FCHO2: variants seen among roughly 807,000 people sequenced by gnomAD.
The protein encoded by FCHO2 is F-BAR domain only protein 2.
A neutral mutation model predicts 114.1 loss-of-function variants in FCHO2; 43 were observed. The observed-to-expected ratio is 0.38, with a 90% CI of 0.30 to 0.49. The LOEUF is 0.49. Ranked by LOEUF, FCHO2 falls within the 20% of genes least tolerant of loss-of-function variation. FCHO2 has a pLI of 0.97. For synonymous variants in FCHO2, 293 were observed against 315.2 expected (o/e 0.93, Z 0.75); for missense variants, 807 against 950.4 (o/e 0.85, Z 1.98).
At chr5:73,003,425 G>C (rs111335823) in intron 5 of FCHO2, among the ~76,000 whole-genome samples, 1,568 of 152,142 alleles carry the variant, frequency 0.01, 27 homozygotes, top group African/African-American at 0.036. Context: ...GATTCCTCCT[G>C]CCTTGGCCTC....
intron 8 of FCHO2, among the ~76,000 whole-genome samples, chr5:73,025,104 GAACA>G (rs1205120227): frequency 6.6e-6 from 1 of 152,156 alleles, no homozygotes; most frequent in Non-Finnish European, 1.5e-5. Flanking sequence ...AACAGTCCTA[GAACA>G]AACTAACTAG....
At chr5:73,044,766 C>T (rs951724322) in intron 11 of FCHO2, among the ~76,000 whole-genome samples, 1 of 151,946 alleles carries the variant, frequency 6.6e-6, no homozygotes, top group African/African-American at 2.4e-5. Flanking sequence ...GACTCTTGAG[C>T]TCCATTCTGG....
At chr5:73,071,732 T>C (rs1742666155) in intron 19 of FCHO2, among the ~76,000 whole-genome samples, 3 of 152,080 alleles carry the variant, frequency 2.0e-5, no homozygotes. Context: ...TGCAATACGA[T>C]CTTGAAAGAA....
At chr5:73,062,073 A>T (rs1757880018) in intron 17 of FCHO2, among the ~76,000 whole-genome samples, 1 of 152,000 alleles carries the variant, frequency 6.6e-6, no homozygotes, top group South Asian at 2.1e-4. Flanking sequence ...TTTATACTTC[A>T]CAGGTCAATT....
At chr5:72,994,236 A>G (rs1753960079) in intron 5 of FCHO2, among the ~76,000 whole-genome samples, 2 of 152,254 alleles carry the variant, frequency 1.3e-5, no homozygotes, top group African/African-American at 4.8e-5. Flanking sequence ...CAAACTATGC[A>G]TCTGACAAAG....
intron 2 of FCHO2, among the ~76,000 whole-genome samples, chr5:72,972,782 T>G (rs1752634258): frequency 6.6e-6 from 1 of 152,084 alleles, no homozygotes; most frequent in Admixed American, 6.5e-5. Context: ...CTTGTGCCAG[T>G]TTTCAAAGGG....
At chr5:73,078,430 T>C in intron 22 of FCHO2, 118 bp downstream of exon 22, 1 of 979,024 alleles carries the variant, frequency 1.0e-6, no homozygotes, top group Non-Finnish European at 1.5e-6. Flanking sequence ...TCAAGGATGT[T>C]TTGAAATTAG....
chr5:72,998,655 C>T (rs1302101952), intron 5 of FCHO2, among the ~76,000 whole-genome samples: 1 of 150,332 alleles, frequency 6.7e-6, no homozygotes, highest in African/African-American at 2.5e-5. Context: ...GGGTTAAATA[C>T]CGTTGTCTTC....
intron 21 of FCHO2, 55 bp from the exon 22 acceptor site, chr5:73,078,125 G>A: frequency 7.3e-7 from 1 of 1,362,432 alleles, no homozygotes; most frequent in Non-Finnish European, 9.6e-7. Context: ...ACTACACAGA[G>A]GCAAAACATA....
chr5:73,037,233 C>A lies in FCHO2; in HGVS notation c.914+18C>A. The A allele has an allele frequency of 6.5e-7, 1 of 1,529,876 alleles. No homozygotes were observed. Among genetic ancestry groups the A allele is most frequent in the South Asian group, 1.2e-5 (1 of 80,044 alleles). The allele number at this position is 1,529,876 out of a possible 1,614,324, so 94.8% of individuals were successfully genotyped here. A position where few individuals can be genotyped will look rare whatever the true frequency, so the allele number is the denominator to read the frequency against. ...GAATCTGTGTAAGTATTTTAAATAT[C>A]GTCAAAATCCTTTTTGTTTTTATAA... On this transcript the variant is annotated intron_variant, in intron 10 of 25. Transcript: ENST00000430046.
chr5:73,074,018 T>C (rs1445792661), intron 19 of FCHO2, among the ~76,000 whole-genome samples: 3 of 151,992 alleles, frequency 2.0e-5, no homozygotes, highest in African/African-American at 7.2e-5. Flanking sequence ...ACAAAGGCAA[T>C]GCACTATTTT....
Position 73,078,312 on chromosome 5 carries a change from G to C in FCHO2, c.1980G>C (p.Gln660His). The C allele has an allele frequency of 6.3e-7, 1 of 1,592,456 alleles. No individual in the cohort carries two copies. ...SYYNVDVLKYQVSSNGIQSTP... is the reference protein window; with the variant it reads ...SYYNVDVLKYHVSSNGIQSTP... ...ATAATGTAGATGTATTAAAGTATCA[G>C]GTGAGTGTCACGACATTGCAAAAAT... Residue 660 changes from glutamine (Q) to histidine (H), a missense_variant and splice_region_variant, in exon 22 of 26, where the codon CAG becomes CAC. Transcript: ENST00000430046.
chr5:73,081,518 T>C (rs1001293855), intron 22 of FCHO2, among the ~76,000 whole-genome samples: 20 of 152,318 alleles, frequency 1.3e-4, no homozygotes, highest in South Asian at 6.2e-4. Context: ...CCCTAAGCTG[T>C]TGAATCAGAT....
At chr5:72,984,800 T>G (rs1416740158) in intron 2 of FCHO2, among the ~76,000 whole-genome samples, 1 of 151,948 alleles carries the variant, frequency 6.6e-6, no homozygotes, top group Non-Finnish European at 1.5e-5. Flanking sequence ...GCCCAGCTAA[T>G]TTTTGTATTT....
At position 72,983,103 on chromosome 5, in the gene FCHO2, G is replaced by A. The variant is rs560080082; in HGVS notation, c.126-6324G>A. 1.1e-3 allele frequency among the ~76,000 whole-genome samples: 165 copies of A among 151,874 alleles called. 1 individual carries two copies. The highest frequency in any genetic ancestry group is 2.1e-3 in the Non-Finnish European group (143 of 67,972). On this transcript the variant is annotated intron_variant, in intron 2 of 25. Transcript: ENST00000430046. ...TAATTTTTGTATTTTTAGTAGAGAC[G>A]GGGTTTCATCATGTTATCCAGGATG...
intron 2 of FCHO2, among the ~76,000 whole-genome samples, chr5:72,987,712 A>G (rs920000100): frequency 6.6e-6 from 1 of 152,194 alleles, no homozygotes; most frequent in Non-Finnish European, 1.5e-5. Context: ...TGATATACTA[A>G]TATTAACTTT....
chr5:73,084,562 A>G (rs2112897057), intron 24 of FCHO2, among the ~76,000 whole-genome samples: 1 of 152,312 alleles, frequency 6.6e-6, no homozygotes, highest in South Asian at 2.1e-4. Flanking sequence ...CACCATGCTC[A>G]GCCTAGTCTC....
At chr5:73,021,730 A>G (rs1283258019) in intron 8 of FCHO2, among the ~76,000 whole-genome samples, 1 of 152,066 alleles carries the variant, frequency 6.6e-6, no homozygotes, top group Non-Finnish European at 1.5e-5. Flanking sequence ...TGATTCATCT[A>G]TTTTCTCTAT....
At chr5:73,037,063 G>T in intron 9 of FCHO2, 80 bp from the exon 10 acceptor site, 1 of 924,220 alleles carries the variant, frequency 1.1e-6, no homozygotes, top group South Asian at 2.2e-5. Context: ...TTATGTGTGA[G>T]GATGCAAGAT....
Sources: allele counts gnomAD v4.1 joint callset (sites outside exome capture counted in the v4.1 genomes callset), GRCh38; gene constraint gnomAD v4.1.1; transcripts MANE v1.5; gene names NCBI Gene and HGNC (gene_info 2026-07-23, HGNC 2026-07-21).